Variants in STAG1 observed in about 807,000 individuals in gnomAD.
STAG1 encodes cohesin subunit SA-1.
STAG1 carries 26 observed loss-of-function variants against 170.9 expected under a neutral mutation model. That is an observed-to-expected ratio of 0.15 (90% confidence interval 0.11 to 0.21). STAG1 has a LOEUF of 0.21. STAG1 is among the 10% of genes least tolerant of loss of function. The pLI is 1.00. For missense variants in STAG1, 964 were observed against 1,509.5 expected (o/e 0.64, Z 5.99); for synonymous variants, 514 against 497.7 (o/e 1.03, Z -0.44).
chr3:136,417,709 A>G (rs1476589465), intron 21 of STAG1, 176 bp downstream of exon 21: 1 of 558,590 alleles, frequency 1.8e-6, no homozygotes, highest in Non-Finnish European at 3.2e-6. Flanking sequence ...TTAACACATA[A>G]GCCAGTATAA....
chr3:136,710,752 A>C (rs898210255), intron 1 of STAG1, among the ~76,000 whole-genome samples: 2 of 152,110 alleles, frequency 1.3e-5, no homozygotes, highest in Non-Finnish European at 2.9e-5. Flanking sequence ...ATAGATTAAA[A>C]CCATAAATGA....
chr3:136,573,788 T>C (rs891554577), intron 4 of STAG1, among the ~76,000 whole-genome samples: 14 of 148,506 alleles, frequency 9.4e-5, no homozygotes, highest in African/African-American at 3.2e-4. Flanking sequence ...CTGGCTAACA[T>C]GGTGAAACCC....
chr3:136,722,314 A>C (rs574624803), intron 1 of STAG1, among the ~76,000 whole-genome samples: 1 of 152,352 alleles, frequency 6.6e-6, no homozygotes, highest in South Asian at 2.1e-4. Flanking sequence ...CCTAAAATTT[A>C]TACTTTAGTT....
At chr3:136,555,739 TAAAAA>T (rs201611058) in intron 5 of STAG1, among the ~76,000 whole-genome samples, 1 of 144,764 alleles carries the variant, frequency 6.9e-6, no homozygotes, top group Non-Finnish European at 1.5e-5. Flanking sequence ...ATTTAATAGT[TAAAAA>T]AAAAAATCAG....
chr3:136,622,590 G>A (rs922568659), intron 3 of STAG1, among the ~76,000 whole-genome samples: 2 of 152,118 alleles, frequency 1.3e-5, no homozygotes, highest in African/African-American at 2.4e-5. Context: ...ATTACTAATA[G>A]CAAATCACAT....
At chr3:136,646,364 T>C (rs1216080479) in intron 1 of STAG1, among the ~76,000 whole-genome samples, 1 of 152,164 alleles carries the variant, frequency 6.6e-6, no homozygotes, top group Non-Finnish European at 1.5e-5. Flanking sequence ...TCAACAACTA[T>C]TTCAAAGTTT....
At position 136,464,875 on chromosome 3, in the gene STAG1, G is replaced by A. The variant is rs745443247; in HGVS notation, c.1313+6C>T. 1 of 1,605,696 alleles carries A rather than the reference G, an allele frequency of 6.2e-7. No homozygotes were observed. The highest frequency in any genetic ancestry group is 2.2e-5 in the East Asian group (1 of 44,802). ...TAGAACCGGTTTTCAAAGATAATTA[G>A]CTCACTTTTTGTGAAGGAACTCTCC... is the stretch of plus-strand genomic sequence containing the variant. On this transcript the variant is annotated splice_donor_region_variant and intron_variant, in intron 13 of 33. Transcript: ENST00000383202.
At chr3:136,385,710 A>T (rs549978251) in intron 22 of STAG1, among the ~76,000 whole-genome samples, 61 of 152,070 alleles carry the variant, frequency 4.0e-4, no homozygotes, top group African/African-American at 1.3e-3. Flanking sequence ...AAGAGGAGAA[A>T]CCTCTTAAAG....
intron 1 of STAG1, among the ~76,000 whole-genome samples, chr3:136,738,011 T>C (rs1046777493): frequency 6.6e-6 from 1 of 152,040 alleles, no homozygotes; most frequent in South Asian, 2.1e-4. Context: ...GAGGTTGCAG[T>C]GAGCCGAGAT....
intron 5 of STAG1, among the ~76,000 whole-genome samples, chr3:136,544,854 T>C (rs1936083791): frequency 6.6e-6 from 1 of 152,176 alleles, no homozygotes; most frequent in Non-Finnish European, 1.5e-5. Context: ...TAACATTGTC[T>C]AACACACTTA....
At chr3:136,368,007 T>A (rs1273678859) in intron 24 of STAG1, among the ~76,000 whole-genome samples, 1 of 152,172 alleles carries the variant, frequency 6.6e-6, no homozygotes, top group East Asian at 1.9e-4. Flanking sequence ...CTCCCTTATA[T>A]GTATAGATTC....
At chr3:136,568,496 T>C (rs1280954873) in intron 5 of STAG1, among the ~76,000 whole-genome samples, 2 of 152,060 alleles carry the variant, frequency 1.3e-5, no homozygotes, top group South Asian at 2.1e-4. Context: ...ATCTAAAAAA[T>C]CAATTCATGA....
At chr3:136,527,229 C>G (rs1935082168) in intron 6 of STAG1, among the ~76,000 whole-genome samples, 1 of 152,202 alleles carries the variant, frequency 6.6e-6, no homozygotes, top group Admixed American at 6.5e-5. Context: ...TTCAGGTACA[C>G]CAATCAGATG....
chr3:136,441,671 GT>G (rs2088635824), intron 15 of STAG1, among the ~76,000 whole-genome samples: 12 of 152,140 alleles, frequency 7.9e-5, no homozygotes, highest in Non-Finnish European at 1.8e-4. Context: ...TGCATGGGTA[GT>G]CTACTGCGGG....
At chr3:136,507,834 T>A (rs1933846911) in intron 7 of STAG1, among the ~76,000 whole-genome samples, 2 of 152,192 alleles carry the variant, frequency 1.3e-5, no homozygotes, top group Admixed American at 1.3e-4. Context: ...ATTTGCAGTT[T>A]AGCTTTCTAA....
At chr3:136,750,610 T>C (rs1935178011) in intron 1 of STAG1, among the ~76,000 whole-genome samples, 1 of 152,246 alleles carries the variant, frequency 6.6e-6, no homozygotes, top group African/African-American at 2.4e-5. Flanking sequence ...CAAAAGCAGT[T>C]CGTTTGTGAA....
chr3:136,387,621 T>C (rs2086906244), intron 22 of STAG1, among the ~76,000 whole-genome samples: 1 of 152,210 alleles, frequency 6.6e-6, no homozygotes, highest in Non-Finnish European at 1.5e-5. Flanking sequence ...GGCAACTTTC[T>C]TCAGAGGGAT....
intron 1 of STAG1, among the ~76,000 whole-genome samples, chr3:136,632,177 T>C (rs1033413304): frequency 6.6e-6 from 1 of 152,040 alleles, no homozygotes; most frequent in African/African-American, 2.4e-5. Flanking sequence ...TTCAAAAAAA[T>C]GAAAGGAGTC....
intron 1 of STAG1, among the ~76,000 whole-genome samples, chr3:136,664,361 G>C (rs993028593): frequency 6.6e-5 from 10 of 152,142 alleles, no homozygotes; most frequent in African/African-American, 2.2e-4. Flanking sequence ...AAAATGGGCA[G>C]GTCTGTGAAG....
Sources: gnomAD v4.1 joint callset for allele counts (sites outside exome capture counted in the v4.1 genomes callset) on GRCh38, gnomAD v4.1.1 for gene constraint, MANE v1.5 for transcripts, NCBI Gene and HGNC (gene_info 2026-07-23, HGNC 2026-07-21) for gene names.